TNRC6A: variants seen among roughly 807,000 people sequenced by gnomAD.
TNRC6A encodes the protein trinucleotide repeat containing adaptor 6A.
In TNRC6A, 44 loss-of-function variants were observed where a neutral mutation model predicts 221.2. That is an observed-to-expected ratio of 0.20 (90% CI 0.16 to 0.26). The LOEUF is 0.26. TNRC6A is among the 10% of genes least tolerant of loss of function. The pLI, the probability that TNRC6A is intolerant of heterozygous loss-of-function variation, is 1.00. For missense variants in TNRC6A, 2,199 were observed against 2,404.4 expected (o/e 0.91, Z 1.79); for synonymous variants, 847 against 838.5 (o/e 1.01, Z -0.18).
At chr16:24,734,626 G>T (rs1474395317) in intron 2 of TNRC6A, among the ~76,000 whole-genome samples, 1 of 152,190 alleles carries the variant, frequency 6.6e-6, no homozygotes, top group Non-Finnish European at 1.5e-5. Flanking sequence ...AAGTGACCCA[G>T]CTGGGATTTA....
At chr16:24,795,137 T>A (rs117011856) in intron 8 of TNRC6A, among the ~76,000 whole-genome samples, 1 of 152,316 alleles carries the variant, frequency 6.6e-6, no homozygotes, top group Non-Finnish European at 1.5e-5. Flanking sequence ...TCACCTGTCA[T>A]GTTTGTCCCT....
At position 24,818,950 on chromosome 16, in the gene TNRC6A, G is replaced by A. The variant is rs1413679465; in HGVS notation, c.5080+250G>A. Among the ~76,000 whole-genome samples, 6 of 151,334 alleles carry A rather than the reference G, an allele frequency of 4.0e-5. No homozygotes were observed. In the East Asian group the frequency reaches 1.2e-3, roughly 29 times the overall value. On this transcript the variant is annotated intron_variant, in intron 21 of 24. Coordinates refer to ENST00000395799, the MANE Select transcript of TNRC6A (RefSeq NM_014494.4). ...AGCCACAGCAGCTCTGTAATTAAAT[G>A]TAATTTAATCCAAACTAGTTCTCAG... is the stretch of plus-strand genomic sequence containing the variant.
chr16:24,762,465 A>G (rs1202969686), intron 4 of TNRC6A, among the ~76,000 whole-genome samples: 1 of 152,048 alleles, frequency 6.6e-6, no homozygotes, highest in Non-Finnish European at 1.5e-5. Context: ...CTAATAATGA[A>G]TGGGTATCAG....
At chr16:24,700,358 C>T (rs2142205280) in intron 2 of TNRC6A, among the ~76,000 whole-genome samples, 1 of 152,194 alleles carries the variant, frequency 6.6e-6, no homozygotes, top group South Asian at 2.1e-4. Flanking sequence ...GCCTCAGCTT[C>T]CCAAGTAGCT....
rs563491346 is a variant in TNRC6A, at chr16:24,792,055, C to G, written c.3175+238C>G. 2.0e-3 allele frequency among the ~76,000 whole-genome samples: 299 copies of G among 152,304 alleles called. 1 individual carries two copies. Among genetic ancestry groups the G allele is most frequent in the African/African-American group, 6.9e-3 (287 of 41,570 alleles). ...GAAATGCAAGAGAAGGCGAATTGGACAAAGGCGGTCAAGTGGGAATGCTGT... is the reference window on the plus strand; with the variant it reads ...GAAATGCAAGAGAAGGCGAATTGGAGAAAGGCGGTCAAGTGGGAATGCTGT... On this transcript the variant is annotated intron_variant, in intron 6 of 24. Transcript: ENST00000395799.
At chr16:24,717,023 T>C (rs1365746167) in intron 2 of TNRC6A, among the ~76,000 whole-genome samples, 1 of 150,070 alleles carries the variant, frequency 6.7e-6, no homozygotes, top group Non-Finnish European at 1.5e-5. Context: ...GATTAATAAA[T>C]GAATACATTT....
chr16:24,809,512 A>G (rs1196382398), intron 18 of TNRC6A, 31 bp downstream of exon 18: 2 of 1,517,208 alleles, frequency 1.3e-6, no homozygotes, highest in Non-Finnish European at 1.8e-6. Flanking sequence ...CAAAAAAAAA[A>G]AAAAAACACA....
rs576208357 is a variant in TNRC6A, at chr16:24,814,635, G to A, written c.4673-512G>A. ...TCACCATGTTGGCCAGGTTGGTCTC[G>A]ATCTCTTGACCTCGTGATCTGCCTG... On this transcript the variant is annotated intron_variant, in intron 18 of 24. Coordinates refer to ENST00000395799, the MANE Select transcript of TNRC6A (RefSeq NM_014494.4). Among the ~76,000 whole-genome samples the A allele has an allele frequency of 1.8e-4, 28 of 152,028 alleles. 1 individual carries two copies. The South Asian group carries it at 5.8e-3, about 32-fold the overall frequency.
intron 4 of TNRC6A, among the ~76,000 whole-genome samples, chr16:24,774,561 C>T (rs886526312): frequency 1.3e-5 from 2 of 152,098 alleles, no homozygotes; most frequent in African/African-American, 4.8e-5. Flanking sequence ...GGACCTAAAA[C>T]TGTCACAATT....
At chr16:24,771,582 T>TTATGTTTTA in intron 4 of TNRC6A, among the ~76,000 whole-genome samples, 17 of 95,532 alleles carry the variant, frequency 1.8e-4, no homozygotes, top group African/African-American at 3.9e-4. Flanking sequence ...TTATGTTATG[T>TTATGTTTTA]TGTTATGTTA....
chr16:24,766,137 CTTATAA>C (rs1011373739), intron 4 of TNRC6A, among the ~76,000 whole-genome samples: 3 of 151,984 alleles, frequency 2.0e-5, no homozygotes, highest in South Asian at 2.1e-4. Context: ...TGTTTTTGCC[CTTATAA>C]TTAAGATGAA....
rs1413704401 is a variant in TNRC6A at position 24,790,213 on chromosome 16, C to T, written c.1571C>T (p.Ala524Val). The change falls in exon 6 of 25, where the codon GCC (alanine) becomes GTC (valine). Residue 524 changes from alanine (A) to valine (V), a missense_variant. Physicochemically the swap from Ala to Val is moderately conservative, Grantham distance 64 (BLOSUM62 0). Coordinates refer to ENST00000395799, the MANE Select transcript of TNRC6A (RefSeq NM_014494.4). ...GGCTCTTATGGTACTACATGGGGTG[C>T]CTATGGTTCTAATTACTCTGGAGAC... ...SGGSYGTTWG[A>V]YGSNYSGDKC... 1.2e-6 allele frequency: 2 copies of T among 1,614,032 alleles called. No individual in the cohort carries two copies. The highest frequency in any genetic ancestry group is 2.7e-5 in the African/African-American group (2 of 74,902).
At chr16:24,767,499 A>C (rs935957846) in intron 4 of TNRC6A, among the ~76,000 whole-genome samples, 5 of 152,232 alleles carry the variant, frequency 3.3e-5, no homozygotes, top group Admixed American at 2.6e-4. Flanking sequence ...ATTTGAAAAA[A>C]TACACATCAG....
At chr16:24,668,754 G>A (rs2055228246) in intron 2 of TNRC6A, among the ~76,000 whole-genome samples, 1 of 152,200 alleles carries the variant, frequency 6.6e-6, no homozygotes, top group South Asian at 2.1e-4. Flanking sequence ...TGGAACATTT[G>A]ATGTCATTGA....
intron 2 of TNRC6A, among the ~76,000 whole-genome samples, chr16:24,721,127 A>C (rs967699100): frequency 2.0e-5 from 3 of 152,200 alleles, no homozygotes; most frequent in Non-Finnish European, 2.9e-5. Flanking sequence ...TGCTGAGGAG[A>C]GGCAGCAACT....
intron 7 of TNRC6A, among the ~76,000 whole-genome samples, chr16:24,794,303 A>C (rs2058173623): frequency 6.6e-6 from 1 of 152,230 alleles, no homozygotes; most frequent in Non-Finnish European, 1.5e-5. Flanking sequence ...TTCAAGAACT[A>C]TGATTTGTTA....
intron 2 of TNRC6A, among the ~76,000 whole-genome samples, chr16:24,686,525 C>A (rs928932013): frequency 2.6e-5 from 4 of 152,050 alleles, no homozygotes; most frequent in East Asian, 1.9e-4. Flanking sequence ...CCATCCCCTG[C>A]GTCTGGGCAC....
At chr16:24,655,269 G>C (rs951183712) in intron 2 of TNRC6A, among the ~76,000 whole-genome samples, 1 of 151,756 alleles carries the variant, frequency 6.6e-6, no homozygotes, top group African/African-American at 2.4e-5. Context: ...AAGGCGGGGG[G>C]GAACACTGAT....
At chr16:24,767,794 A>G (rs1207149796) in intron 4 of TNRC6A, among the ~76,000 whole-genome samples, 8 of 152,174 alleles carry the variant, frequency 5.3e-5, no homozygotes, top group Admixed American at 3.9e-4. Flanking sequence ...TTTCTTTATT[A>G]TATAACTTTA....
Sources: gnomAD v4.1 joint callset for allele counts (sites outside exome capture counted in the v4.1 genomes callset) on GRCh38, gnomAD v4.1.1 for gene constraint, MANE v1.5 for transcripts, NCBI Gene and HGNC (gene_info 2026-07-23, HGNC 2026-07-21) for gene names.